LHFPL3: variants seen among roughly 807,000 people sequenced by gnomAD.
LHFPL3 encodes LHFPL tetraspan subfamily member 3, also known as LHFPL tetraspan subfamily member 3 protein.
LHFPL3 carries 5 observed loss-of-function variants against 19.3 expected under a neutral mutation model. That is an observed-to-expected ratio of 0.26 (90% CI 0.14 to 0.54). LHFPL3 has a LOEUF of 0.54. Among genes scored for constraint, LHFPL3 ranks in the 20% least tolerant of loss-of-function variants. The pLI is 0.94. For missense variants in LHFPL3, 249 were observed against 307.4 expected, an observed-to-expected ratio of 0.81 and a Z score of 1.42; for synonymous variants, 133 against 126.2, an observed-to-expected ratio of 1.05 and a Z score of -0.36.
In LHFPL3 at chr7:104,647,259, G is replaced by T. The variant is rs544052230; in HGVS notation, c.446-89416G>T. Among the ~76,000 whole-genome samples, 19 of 152,156 alleles carry T rather than the reference G, an allele frequency of 1.2e-4. No individual in the cohort carries two copies. In the South Asian group the frequency reaches 3.5e-3, roughly 28 times the overall value. ...AAAGCCTCTCCCTTTTTTCAGACAGGCTCATGGCATGCACCACCCCAAATA... is the reference window on the plus strand; with the variant it reads ...AAAGCCTCTCCCTTTTTTCAGACAGTCTCATGGCATGCACCACCCCAAATA... On this transcript the variant is annotated intron_variant, in intron 1 of 2. Coordinates refer to ENST00000424859, the MANE Select transcript of LHFPL3 (RefSeq NM_199000.3).
In LHFPL3 at chr7:104,552,921, A is replaced by G. The variant is rs547138840; in HGVS notation, c.446-183754A>G. Among the ~76,000 whole-genome samples the G allele has an allele frequency of 5.3e-5, 8 of 152,268 alleles. No homozygotes were observed. In the South Asian group the frequency reaches 1.7e-3, roughly 32 times the overall value. ...CTTTTACTAGTTGTGTGACCTTGGC[A>G]TGTTACTTAATTTCTTCATGTTTCA... On this transcript the variant is annotated intron_variant, in intron 1 of 2. Transcript: ENST00000424859.
intron 2 of LHFPL3, among the ~76,000 whole-genome samples, chr7:104,746,896 C>A (rs564319351): frequency 6.6e-6 from 1 of 152,348 alleles, no homozygotes; most frequent in African/African-American, 2.4e-5. Context: ...CCCTCACTAC[C>A]TTGCCCTGCT....
At chr7:104,714,449 G>T (rs1204819248) in intron 1 of LHFPL3, among the ~76,000 whole-genome samples, 1 of 151,120 alleles carries the variant, frequency 6.6e-6, no homozygotes, top group African/African-American at 2.4e-5. Flanking sequence ...TTTAAGGAAA[G>T]TCTGATGAGG....
At chr7:104,473,882 A>G (rs1332871851) in intron 1 of LHFPL3, among the ~76,000 whole-genome samples, 1 of 152,252 alleles carries the variant, frequency 6.6e-6, no homozygotes, top group East Asian at 1.9e-4. Flanking sequence ...GTAAAAGTAA[A>G]AAGTAAAACA....
intron 1 of LHFPL3, among the ~76,000 whole-genome samples, chr7:104,467,995 A>T (rs1792826116): frequency 6.6e-6 from 1 of 152,236 alleles, no homozygotes; most frequent in African/African-American, 2.4e-5. Context: ...CTCAGGAAAG[A>T]GGTATCTGTC....
intron 2 of LHFPL3, among the ~76,000 whole-genome samples, chr7:104,845,890 A>C (rs1253798790): frequency 1.3e-5 from 2 of 152,224 alleles, no homozygotes; most frequent in Non-Finnish European, 2.9e-5. Flanking sequence ...GGGCGTCTCC[A>C]TAGAGTGAAT....
At chr7:104,812,898 G>A (rs2116505139) in intron 2 of LHFPL3, among the ~76,000 whole-genome samples, 1 of 149,862 alleles carries the variant, frequency 6.7e-6, no homozygotes, top group East Asian at 2.0e-4. Flanking sequence ...CAGGTCACAA[G>A]GTAAGGAGTT....
At chr7:104,791,500 T>A (rs1168427366) in intron 2 of LHFPL3, among the ~76,000 whole-genome samples, 1 of 152,216 alleles carries the variant, frequency 6.6e-6, no homozygotes, top group Non-Finnish European at 1.5e-5. Flanking sequence ...ACATGATCAC[T>A]GTAGTTCAGG....
intron 1 of LHFPL3, among the ~76,000 whole-genome samples, chr7:104,339,248 C>CA (rs11384778): frequency 0.18 from 26,536 of 146,154 alleles, 2,755 homozygotes; most frequent in Admixed American, 0.32. Context: ...AACTCCGTCT[C>CA]AAAAAAAAAA....
intron 1 of LHFPL3, among the ~76,000 whole-genome samples, chr7:104,491,008 T>C (rs920858245): frequency 1.3e-5 from 2 of 152,098 alleles, no homozygotes; most frequent in African/African-American, 4.8e-5. Context: ...GTACAGAACT[T>C]GGAATCTTGG....
At chr7:104,371,852 A>T (rs886428152) in intron 1 of LHFPL3, among the ~76,000 whole-genome samples, 1 of 152,212 alleles carries the variant, frequency 6.6e-6, no homozygotes, top group Admixed American at 6.5e-5. Flanking sequence ...GTGTTTCCCC[A>T]TTCCACAAAT....
At chr7:104,712,264 T>A (rs911985783) in intron 1 of LHFPL3, among the ~76,000 whole-genome samples, 1 of 152,216 alleles carries the variant, frequency 6.6e-6, no homozygotes, top group Non-Finnish European at 1.5e-5. Context: ...GCTTAGATGA[T>A]GGAAATTTAT....
At chr7:104,640,511 C>T (rs1046798112) in intron 1 of LHFPL3, among the ~76,000 whole-genome samples, 2 of 152,082 alleles carry the variant, frequency 1.3e-5, no homozygotes, top group Admixed American at 6.5e-5. Context: ...TTGCTTTATC[C>T]GGTCTATCAT....
intron 1 of LHFPL3, among the ~76,000 whole-genome samples, chr7:104,416,337 C>A (rs546981421): frequency 2.0e-5 from 3 of 152,252 alleles, no homozygotes; most frequent in Non-Finnish European, 4.4e-5. Flanking sequence ...TTTCCAGCCT[C>A]CAGAACATTG....
chr7:104,502,549 A>G (rs545552725), intron 1 of LHFPL3, among the ~76,000 whole-genome samples: 2 of 152,314 alleles, frequency 1.3e-5, no homozygotes, highest in Non-Finnish European at 2.9e-5. Flanking sequence ...CCTGGGTCCC[A>G]TTCTCGAGCT....
intron 1 of LHFPL3, among the ~76,000 whole-genome samples, chr7:104,466,978 C>G (rs1441586796): frequency 3.3e-5 from 5 of 152,230 alleles, no homozygotes; most frequent in Non-Finnish European, 5.9e-5. Context: ...GGAATAAACT[C>G]ATCTTGATGG....
intron 2 of LHFPL3, among the ~76,000 whole-genome samples, chr7:104,841,215 T>C (rs1791196621): frequency 6.6e-6 from 1 of 152,162 alleles, no homozygotes; most frequent in African/African-American, 2.4e-5. Flanking sequence ...CCCATTGCCT[T>C]AATTGGAATA....
At chr7:104,757,968 G>A (rs563982325) in intron 2 of LHFPL3, among the ~76,000 whole-genome samples, 2 of 152,270 alleles carry the variant, frequency 1.3e-5, no homozygotes, top group East Asian at 3.9e-4. Context: ...CCTGTCAGCA[G>A]TGAATTGGAT....
intron 2 of LHFPL3, among the ~76,000 whole-genome samples, chr7:104,862,991 A>C (rs758507858): frequency 5.3e-5 from 8 of 152,202 alleles, no homozygotes; most frequent in Non-Finnish European, 1.2e-4. Flanking sequence ...ACACCACCTT[A>C]TGCTATCTCA....
Sources: allele counts gnomAD v4.1 joint callset (sites outside exome capture counted in the v4.1 genomes callset), GRCh38; gene constraint gnomAD v4.1.1; transcripts MANE v1.5; gene names NCBI Gene and HGNC (gene_info 2026-07-23, HGNC 2026-07-21).